ST3GAL3: variants seen among roughly 807,000 people sequenced by gnomAD.
The protein encoded by ST3GAL3 is ST3 beta-galactoside alpha-2,3-sialyltransferase 3.
In ST3GAL3, 21 loss-of-function variants were observed where a neutral mutation model predicts 50.1. The ratio of observed to expected loss-of-function variants is 0.42; its 90% CI spans 0.30 to 0.60. The LOEUF is 0.60. Among genes scored for constraint, ST3GAL3 ranks in the 20% least tolerant of loss-of-function variants. The pLI is 0.19. For missense variants in ST3GAL3, 353 were observed against 489.4 expected (o/e 0.72, Z 2.63); for synonymous variants, 183 against 190.0 (o/e 0.96, Z 0.30).
At chr1:43,816,764 A>G (rs900156052) in intron 4 of ST3GAL3, among the ~76,000 whole-genome samples, 5 of 152,196 alleles carry the variant, frequency 3.3e-5, no homozygotes, top group African/African-American at 1.2e-4. Context: ...TCTTTGAACT[A>G]TGTGAGTTAA....
chr1:43,858,011 C>G, intron 5 of ST3GAL3: 1 of 569,884 alleles, frequency 1.8e-6, no homozygotes, highest in Non-Finnish European at 2.8e-6. Context: ...CAACCGATCC[C>G]TCTTCACAGA....
chr1:43,738,983 G>C (rs1362509739), intron 2 of ST3GAL3: 2 of 152,116 alleles, frequency 1.3e-5, no homozygotes, highest in African/African-American at 2.4e-5. Flanking sequence ...AATCTCATTT[G>C]ATCCTCATAG....
intron 2 of ST3GAL3, among the ~76,000 whole-genome samples, chr1:43,747,152 A>G (rs1684086716): frequency 6.6e-6 from 1 of 152,140 alleles, no homozygotes; most frequent in Admixed American, 6.5e-5. Context: ...GCTCACGCCT[A>G]TAATCCCACC....
intron 3 of ST3GAL3, among the ~76,000 whole-genome samples, chr1:43,807,432 A>ATAAATAAATAAAT (rs2060030678): frequency 1.3e-5 from 2 of 151,588 alleles, no homozygotes; most frequent in East Asian, 1.9e-4. Flanking sequence ...AAATAAATAA[A>ATAAATAAATAAAT]TAAATAAATA....
chr1:43,784,424 G>A (rs1243590462), intron 2 of ST3GAL3, among the ~76,000 whole-genome samples: 4 of 152,122 alleles, frequency 2.6e-5, no homozygotes, highest in South Asian at 2.1e-4. Context: ...CAGGAGAATC[G>A]CTTGAACCTG....
intron 2 of ST3GAL3, among the ~76,000 whole-genome samples, chr1:43,779,350 C>G (rs1375175156): frequency 6.6e-6 from 1 of 152,200 alleles, no homozygotes; most frequent in African/African-American, 2.4e-5. Flanking sequence ...TCCTTATAGG[C>G]TGTGTAATCT....
intron 4 of ST3GAL3, among the ~76,000 whole-genome samples, chr1:43,823,778 G>C (rs2062417607): frequency 6.6e-6 from 1 of 152,106 alleles, no homozygotes; most frequent in African/African-American, 2.4e-5. Flanking sequence ...ATGGATAAAT[G>C]GTGGACAACT....
At chr1:43,879,042 A>G (rs1480683065) in intron 5 of ST3GAL3, 98 of 456,176 alleles carry the variant, frequency 2.1e-4, no homozygotes, top group Non-Finnish European at 1.8e-5. Context: ...ACAAGAGAAG[A>G]TGACATGTTA....
chr1:43,794,455 CT>C (rs1220450840), intron 3 of ST3GAL3, among the ~76,000 whole-genome samples: 1 of 152,112 alleles, frequency 6.6e-6, no homozygotes, highest in African/African-American at 2.4e-5. Flanking sequence ...TGATTTTCTA[CT>C]TGTTGGAGCA....
intron 5 of ST3GAL3, among the ~76,000 whole-genome samples, chr1:43,884,906 C>T (rs1029570209): frequency 2.6e-5 from 4 of 152,126 alleles, no homozygotes; most frequent in African/African-American, 9.7e-5. Context: ...AGGAGAAGAC[C>T]CTACCCTAGA....
chr1:43,731,648 C>T (rs947790905), intron 1 of ST3GAL3, among the ~76,000 whole-genome samples: 2 of 149,346 alleles, frequency 1.3e-5, no homozygotes, highest in East Asian at 2.0e-4. Flanking sequence ...CCGCCCACCT[C>T]GGCCTCCCAA....
intron 5 of ST3GAL3, among the ~76,000 whole-genome samples, chr1:43,887,490 C>CAGAGAGTATTGGAGATTAATATTTTCAA (rs1208475938): frequency 6.6e-6 from 1 of 152,026 alleles, no homozygotes; most frequent in Non-Finnish European, 1.5e-5. Context: ...AAATTGCATT[C>CAGAGAGTATTGGAGATTAATATTTTCAA]AGAGAGTATT....
rs1013794097 is a variant in ST3GAL3 at position 43,835,271 on chromosome 1, G to A, written c.210-2948G>A. Among the ~76,000 whole-genome samples the A allele has an allele frequency of 7.9e-5, 12 of 152,226 alleles. No homozygotes were observed. The South Asian group carries it at 8.3e-4, about 11-fold the overall frequency. On this transcript the variant is annotated intron_variant, in intron 4 of 11. Transcript: ENST00000347631. ...TTCTGGCCCCAGGGAGTTGGCGACC[G>A]TTAATCTTGGTGGTTTTGACCGCTA...
At chr1:43,759,669 C>G (rs1275761848) in intron 2 of ST3GAL3, among the ~76,000 whole-genome samples, 1 of 152,134 alleles carries the variant, frequency 6.6e-6, no homozygotes, top group African/African-American at 2.4e-5. Flanking sequence ...TGCACTGATG[C>G]TACAAAGCGA....
At chr1:43,895,520 CG>C (rs1420960367) in intron 6 of ST3GAL3, among the ~76,000 whole-genome samples, 1 of 152,112 alleles carries the variant, frequency 6.6e-6, no homozygotes, top group East Asian at 1.9e-4. Context: ...CCTTTAGTTC[CG>C]TCAGCAGTTA....
intron 2 of ST3GAL3, among the ~76,000 whole-genome samples, chr1:43,776,111 C>T (rs1558248571): frequency 1.3e-5 from 2 of 152,170 alleles, no homozygotes; most frequent in South Asian, 2.1e-4. Context: ...TCCACAGAGC[C>T]GTGCTAACAG....
intron 3 of ST3GAL3, among the ~76,000 whole-genome samples, chr1:43,804,033 G>A (rs1435687106): frequency 6.6e-6 from 1 of 152,194 alleles, no homozygotes; most frequent in Non-Finnish European, 1.5e-5. Context: ...AGGAGAGCTG[G>A]AATATGAGTG....
chr1:43,871,315 A>G (rs1330658657), intron 5 of ST3GAL3, among the ~76,000 whole-genome samples: 1 of 152,212 alleles, frequency 6.6e-6, no homozygotes, highest in Non-Finnish European at 1.5e-5. Flanking sequence ...ACTCAGGAGA[A>G]GGAGGCTAGG....
intron 9 of ST3GAL3, among the ~76,000 whole-genome samples, chr1:43,917,771 G>A (rs1432249699): frequency 4.2e-5 from 6 of 143,078 alleles, no homozygotes; most frequent in South Asian, 2.1e-4. Context: ...AGGTTCAAGC[G>A]ATCCTCCCAC....
Sources: allele counts gnomAD v4.1 joint callset (sites outside exome capture counted in the v4.1 genomes callset), GRCh38; gene constraint gnomAD v4.1.1; transcripts MANE v1.5; gene names NCBI Gene and HGNC (gene_info 2026-07-23, HGNC 2026-07-21).